The following KIAA1671 variants were observed in gnomAD, a reference collection of about 807,000 sequenced individuals.
KIAA1671 encodes KIAA1671, also known as uncharacterized protein KIAA1671.
Under a neutral mutation model 131.2 loss-of-function variants are expected in KIAA1671, and 52 were observed. The ratio of observed to expected loss-of-function variants is 0.40; its 90% CI spans 0.32 to 0.50. The LOEUF (loss-of-function observed/expected upper bound fraction) is 0.50, where lower values mean the gene tolerates loss of function less well. Ranked by LOEUF, KIAA1671 falls within the 20% of genes least tolerant of loss-of-function variation. The pLI, the probability that KIAA1671 is intolerant of heterozygous loss-of-function variation, is 0.73. For synonymous variants in KIAA1671, 1,003 were observed against 961.6 expected (o/e 1.04, Z -0.80); for missense variants, 2,360 against 2,364.2 (o/e 1.00, Z 0.04).
intron 1 of KIAA1671, among the ~76,000 whole-genome samples, chr22:24,979,570 C>T (rs1345449306): frequency 2.7e-5 from 4 of 147,896 alleles, no homozygotes; most frequent in East Asian, 2.1e-4. Context: ...AAGATGGTCT[C>T]GATCTCCTGA....
intron 6 of KIAA1671, among the ~76,000 whole-genome samples, chr22:25,166,970 C>T (rs1933667858): frequency 6.6e-6 from 1 of 152,240 alleles, no homozygotes; most frequent in South Asian, 2.1e-4. Context: ...GAAACAACCC[C>T]TAAGTCCCCA....
At chr22:25,188,447 GGTGTGTGTGTGTGTGTGTGTGTGT>G (rs59590267) in intron 11 of KIAA1671, among the ~76,000 whole-genome samples, 1 of 137,888 alleles carries the variant, frequency 7.3e-6, no homozygotes, top group African/African-American at 2.7e-5. Flanking sequence ...GAGCCAATCG[GGTGTGTGTGTGTGTGTGTGTGTGT>G]GTGTGTGTGT....
rs1302131765 is a variant in KIAA1671, at chr22:25,028,797, A to C, written c.798A>C (p.Lys266Asn). 6.4e-7 allele frequency: 1 copy of C among 1,551,256 alleles called. No homozygotes were observed. The highest frequency in any genetic ancestry group is 1.4e-5 in the African/African-American group (1 of 73,190). ...PGPGAAATVGKVPPTPPEKTW... is the reference protein window; with the variant it reads ...PGPGAAATVGNVPPTPPEKTW... ...CCGGCGCAGCGGCCACAGTGGGCAA[A>C]GTGCCACCCACCCCTCCCGAGAAGA... Residue 266 changes from lysine to asparagine, a missense_variant, in exon 3 of 13, where the codon AAA becomes AAC. Transcript: ENST00000358431.
intron 9 of KIAA1671, chr22:25,179,334 T>C: frequency 6.3e-7 from 1 of 1,592,754 alleles, no homozygotes; most frequent in Non-Finnish European, 8.5e-7. Context: ...CTCTCGCTGC[T>C]CCTTGTTCCT....
chr22:25,179,515 G>T (rs1934188716), intron 9 of KIAA1671: 12 of 1,608,464 alleles, frequency 7.5e-6, no homozygotes, highest in South Asian at 3.3e-5. Context: ...GCTCGTGCTC[G>T]CGCGGCTCCA....
chr22:24,966,341 G>A (rs1366034974), intron 1 of KIAA1671, among the ~76,000 whole-genome samples: 3 of 152,304 alleles, frequency 2.0e-5, no homozygotes, highest in South Asian at 2.1e-4. Context: ...GGAGCCCAGC[G>A]GGTGCATTGG....
At chr22:25,123,070 A>G (rs1452604674) in intron 6 of KIAA1671, among the ~76,000 whole-genome samples, 2 of 152,124 alleles carry the variant, frequency 1.3e-5, no homozygotes, top group East Asian at 1.9e-4. Context: ...ATAGCCTCTA[A>G]GGTGGTCCTC....
chr22:25,015,911 C>T (rs7287331), intron 1 of KIAA1671, among the ~76,000 whole-genome samples: 25 of 152,168 alleles, frequency 1.6e-4, no homozygotes, highest in Admixed American at 7.9e-4. Flanking sequence ...ACACTCCGTA[C>T]GAAAATGAGC....
At chr22:24,964,822 A>G (rs1433820761) in intron 1 of KIAA1671, among the ~76,000 whole-genome samples, 1 of 152,160 alleles carries the variant, frequency 6.6e-6, no homozygotes. Context: ...ACTACTGGGA[A>G]TGGGGAATGT....
intron 5 of KIAA1671, among the ~76,000 whole-genome samples, chr22:25,041,851 C>A (rs1383125925): frequency 6.6e-6 from 1 of 152,208 alleles, no homozygotes; most frequent in African/African-American, 2.4e-5. Context: ...CTCAAGCCAT[C>A]CTCCCGCCTC....
chr22:24,977,653 T>G (rs1330599880), intron 1 of KIAA1671, among the ~76,000 whole-genome samples: 3 of 152,168 alleles, frequency 2.0e-5, no homozygotes, highest in African/African-American at 7.2e-5. Context: ...CGCCCTTAGA[T>G]TCCCAGGGTT....
At chr22:25,005,047 T>A (rs1924672772) in intron 1 of KIAA1671, among the ~76,000 whole-genome samples, 1 of 151,470 alleles carries the variant, frequency 6.6e-6, no homozygotes, top group Non-Finnish European at 1.5e-5. Context: ...TGGCAAAGGT[T>A]ATATTAGAAA....
chr22:25,164,985 GT>G (rs1933595973), intron 6 of KIAA1671, among the ~76,000 whole-genome samples: 1 of 125,366 alleles, frequency 8.0e-6, no homozygotes, highest in African/African-American at 4.6e-5. Context: ...AGGCGTGTGT[GT>G]GTGTGTGTGT....
rs1420050484 is a variant in KIAA1671, at chr22:25,027,976, C to A, written c.-24C>A. ...CTTCTCCATTCTTGAAGTTCCTAAC[C>A]CCCATGAATCCACAACCATAACCAT... On this transcript the variant is annotated 5_prime_UTR_variant, in exon 3 of 13. Coordinates refer to ENST00000358431, the MANE Select transcript of KIAA1671 (RefSeq NM_001145206.2). The A allele has an allele frequency of 1.2e-4, 173 of 1,442,400 alleles. No individual in the cohort carries two copies. The highest frequency in any genetic ancestry group is 1.5e-4 in the Non-Finnish European group (167 of 1,089,280). The allele number at this position is 1,442,400 out of a possible 1,614,324, so 89.4% of individuals were successfully genotyped here.
At chr22:25,168,634 G>A (rs1323310674) in intron 6 of KIAA1671, among the ~76,000 whole-genome samples, 5 of 152,116 alleles carry the variant, frequency 3.3e-5, no homozygotes, top group South Asian at 2.1e-4. Flanking sequence ...CGGAGGTTGC[G>A]GTGAGCCAAG....
chr22:25,049,574 T>C (rs1202785893), intron 6 of KIAA1671: 2 of 535,230 alleles, frequency 3.7e-6, no homozygotes, highest in African/African-American at 3.8e-5. Context: ...GGGGAAACCT[T>C]CTTCCTCTTG....
At position 25,109,395 on chromosome 22, in the gene KIAA1671, G is replaced by A. The variant is rs117285733; in HGVS notation, c.4530+60031G>A. Reference sequence around the variant, plus strand: ...AGTGCTGGGATTACAGACATGAGCCGCCGCACCTGGCCCATCACTTCTTCT... The same window carrying A: ...AGTGCTGGGATTACAGACATGAGCCACCGCACCTGGCCCATCACTTCTTCT... On this transcript the variant is annotated intron_variant, in intron 6 of 12. Coordinates refer to ENST00000358431, the MANE Select transcript of KIAA1671 (RefSeq NM_001145206.2). Among the ~76,000 whole-genome samples the A allele has an allele frequency of 2.2e-4, 33 of 152,080 alleles. 1 individual carries two copies. In the East Asian group the frequency reaches 5.2e-3, roughly 24 times the overall value.
intron 6 of KIAA1671, among the ~76,000 whole-genome samples, chr22:25,076,604 G>A (rs1177094858): frequency 6.6e-6 from 1 of 152,194 alleles, no homozygotes. Context: ...GAATAGCTGA[G>A]GGCTACAGCC....
intron 1 of KIAA1671, chr22:25,014,110 A>G (rs983311561): frequency 4.6e-5 from 7 of 152,216 alleles, no homozygotes; most frequent in South Asian, 2.1e-4. Flanking sequence ...GTTCATTGCA[A>G]TGTTGGTTTT....
Sources: allele counts gnomAD v4.1 joint callset (sites outside exome capture counted in the v4.1 genomes callset), GRCh38; gene constraint gnomAD v4.1.1; transcripts MANE v1.5; gene names NCBI Gene and HGNC (gene_info 2026-07-23, HGNC 2026-07-21).